The following RBM47 variants were observed in gnomAD, a reference collection of about 807,000 sequenced individuals.
The protein encoded by RBM47 is RNA binding motif protein 47.
RBM47 carries 21 observed loss-of-function variants against 47.1 expected under a neutral mutation model. The ratio of observed to expected loss-of-function variants is 0.45; its 90% CI spans 0.32 to 0.64. The LOEUF is 0.64. Ranked by LOEUF, RBM47 falls within the 30% of genes least tolerant of loss-of-function variation. RBM47 has a pLI of 0.05. For missense variants in RBM47, 708 were observed against 870.9 expected (o/e 0.81, Z 2.35); for synonymous variants, 375 against 361.7 (o/e 1.04, Z -0.42).
intron 2 of RBM47, among the ~76,000 whole-genome samples, chr4:40,526,908 A>G (rs570992581): frequency 3.3e-5 from 5 of 150,710 alleles, no homozygotes; most frequent in Non-Finnish European, 7.4e-5. Context: ...ACTTAGAGCA[A>G]TGGAAAAGGG....
At chr4:40,600,900 G>T (rs1007842268) in intron 1 of RBM47, among the ~76,000 whole-genome samples, 1 of 149,692 alleles carries the variant, frequency 6.7e-6, no homozygotes, top group Non-Finnish European at 1.5e-5. Flanking sequence ...GAGGAGAATC[G>T]CTTGAACCCG....
At chr4:40,547,342 T>C (rs1729131080) in intron 1 of RBM47, among the ~76,000 whole-genome samples, 2 of 152,112 alleles carry the variant, frequency 1.3e-5, no homozygotes, top group South Asian at 4.1e-4. Context: ...CCTAATGCAA[T>C]ATAACCAGTG....
intron 2 of RBM47, among the ~76,000 whole-genome samples, chr4:40,502,536 G>C (rs546289716): frequency 6.6e-6 from 1 of 152,148 alleles, no homozygotes; most frequent in Non-Finnish European, 1.5e-5. Context: ...AGACTCCAAC[G>C]ACACAGAACT....
chr4:40,484,674 T>TA (rs1720846973), intron 2 of RBM47, among the ~76,000 whole-genome samples: 2 of 152,200 alleles, frequency 1.3e-5, no homozygotes. Flanking sequence ...CCTCAACAGA[T>TA]ACACAGCTAC....
At chr4:40,612,227 A>G (rs1181255847) in intron 1 of RBM47, among the ~76,000 whole-genome samples, 2 of 152,186 alleles carry the variant, frequency 1.3e-5, no homozygotes, top group Admixed American at 1.3e-4. Flanking sequence ...TATCTAACTG[A>G]TATTCAAGAA....
chr4:40,594,971 G>A (rs1329395117), intron 1 of RBM47, among the ~76,000 whole-genome samples: 8 of 152,160 alleles, frequency 5.3e-5, no homozygotes, highest in African/African-American at 1.9e-4. Context: ...AGGCACCACA[G>A]ATTGCCACGC....
intron 4 of RBM47, among the ~76,000 whole-genome samples, chr4:40,437,100 T>TAA (rs1712654265): frequency 2.8e-5 from 2 of 70,438 alleles, no homozygotes; most frequent in Admixed American, 1.7e-4. Context: ...AATATATATA[T>TAA]ATATATATAT....
At chr4:40,583,699 A>C (rs1294639426) in intron 1 of RBM47, among the ~76,000 whole-genome samples, 1 of 151,738 alleles carries the variant, frequency 6.6e-6, no homozygotes, top group Non-Finnish European at 1.5e-5. Context: ...TCTACTAAAA[A>C]TACAAAAAAT....
intron 1 of RBM47, among the ~76,000 whole-genome samples, chr4:40,558,626 A>C (rs986322127): frequency 6.6e-6 from 1 of 151,906 alleles, no homozygotes. Flanking sequence ...TCAGGAGTTC[A>C]AGACTAGCCT....
chr4:40,567,760 GA>G (rs1303169487), intron 1 of RBM47, among the ~76,000 whole-genome samples: 1 of 151,964 alleles, frequency 6.6e-6, no homozygotes, highest in Non-Finnish European at 1.5e-5. Flanking sequence ...CATGATTCAG[GA>G]TGAGGCAAAA....
chr4:40,487,282 T>C (rs781120022), intron 2 of RBM47, among the ~76,000 whole-genome samples: 3 of 152,132 alleles, frequency 2.0e-5, no homozygotes, highest in Admixed American at 6.5e-5. Flanking sequence ...ATTTCAGCTC[T>C]ACATCATCAT....
At chr4:40,565,050 C>T (rs1730971791) in intron 1 of RBM47, among the ~76,000 whole-genome samples, 1 of 152,198 alleles carries the variant, frequency 6.6e-6, no homozygotes, top group African/African-American at 2.4e-5. Flanking sequence ...TATCCAGTCA[C>T]CTCAGCCTTG....
chr4:40,501,645 A>C (rs1021538137), intron 2 of RBM47, among the ~76,000 whole-genome samples: 2 of 152,244 alleles, frequency 1.3e-5, no homozygotes, highest in Non-Finnish European at 2.9e-5. Flanking sequence ...ATTGGACAAC[A>C]CATGTCTGTG....
chr4:40,583,288 C>A (rs1296788461), intron 1 of RBM47, among the ~76,000 whole-genome samples: 2 of 150,608 alleles, frequency 1.3e-5, no homozygotes, highest in African/African-American at 2.4e-5. Flanking sequence ...GTGGTGCACA[C>A]CTGTAATCCC....
chr4:40,557,077 C>A (rs1730172068), intron 1 of RBM47, among the ~76,000 whole-genome samples: 1 of 152,132 alleles, frequency 6.6e-6, no homozygotes, highest in Non-Finnish European at 1.5e-5. Flanking sequence ...TATGCTTCAA[C>A]TTTTCTGTCC....
chr4:40,535,499 G>A (rs1261310046), intron 2 of RBM47, among the ~76,000 whole-genome samples: 1 of 150,320 alleles, frequency 6.7e-6, no homozygotes, highest in Non-Finnish European at 1.5e-5. Context: ...AGCCTCCTGA[G>A]TAGCCGGGAT....
At chr4:40,568,906 G>A (rs921658446) in intron 1 of RBM47, among the ~76,000 whole-genome samples, 1 of 151,668 alleles carries the variant, frequency 6.6e-6, no homozygotes, top group Non-Finnish European at 1.5e-5. Context: ...GCTTGAAACC[G>A]GGAGGCGGAG....
chr4:40,606,070 C>T (rs1250353554), intron 1 of RBM47, among the ~76,000 whole-genome samples: 2 of 149,188 alleles, frequency 1.3e-5, no homozygotes, highest in African/African-American at 2.5e-5. Context: ...TGGTGGTGCA[C>T]GCCTGCAATC....
At chr4:40,475,800 A>G (rs1369991875) in intron 2 of RBM47, 1 of 152,250 alleles carries the variant, frequency 6.6e-6, no homozygotes, top group Non-Finnish European at 1.5e-5. Flanking sequence ...TACATGGCAC[A>G]GGGCTCCTCA....
Sources: allele counts gnomAD v4.1 joint callset (sites outside exome capture counted in the v4.1 genomes callset), GRCh38; gene constraint gnomAD v4.1.1; transcripts MANE v1.5; gene names NCBI Gene and HGNC (gene_info 2026-07-23, HGNC 2026-07-21).